The following UBL7 variants were observed in gnomAD, a reference collection of about 807,000 sequenced individuals.
The protein encoded by UBL7 is ubiquitin like 7.
UBL7 carries 21 observed loss-of-function variants against 41.7 expected under a neutral mutation model. The ratio of observed to expected loss-of-function variants is 0.50; its 90% CI spans 0.36 to 0.73. The LOEUF is 0.73. UBL7 is among the 30% of genes least tolerant of loss of function. UBL7 has a pLI of 0.00. For missense variants in UBL7, 403 were observed against 478.4 expected, an observed-to-expected ratio of 0.84 and a Z score of 1.47; for synonymous variants, 157 against 186.9, an observed-to-expected ratio of 0.84 and a Z score of 1.31.
At chr15:74,449,157 C>T (rs372819904) in intron 9 of UBL7, 29 bp downstream of exon 9, 1 of 1,520,120 alleles carries the variant, frequency 6.6e-7, no homozygotes, top group South Asian at 1.3e-5. Context: ...GGGGGCCCAG[C>T]CTTGATCTTC....
Position 74,452,288 on chromosome 15 carries a change from ACACT to A in UBL7, c.387+4_387+7del, listed in dbSNP as rs2061255839. The A allele has an allele frequency of 1.3e-6, 2 of 1,553,660 alleles. No individual in the cohort carries two copies. Among genetic ancestry groups the A allele is most frequent in the Non-Finnish European group, 1.7e-6 (2 of 1,147,676 alleles). Reference sequence around the variant, plus strand: ...CAGTCCTGGCTGGGGGCCGCAGCACACACTCACCGCCTCCCTGTAAGAGGAGCTG... The same window carrying A: ...CAGTCCTGGCTGGGGGCCGCAGCACACACCGCCTCCCTGTAAGAGGAGCTG... On this transcript the variant is annotated splice_donor_5th_base_variant and intron_variant, in intron 4 of 10. Transcript: ENST00000395081.
At position 74,461,024 on chromosome 15, in the gene UBL7, G is replaced by A; in HGVS notation, c.-30+13C>T. The A allele has an allele frequency of 1.9e-6, 2 of 1,065,770 alleles. No homozygotes were observed. The highest frequency in any genetic ancestry group is 2.3e-6 in the Non-Finnish European group (2 of 875,268). 66.0% of individuals were successfully genotyped at this position (1,065,770 alleles called of 1,614,324 possible). A position where few individuals can be genotyped will look rare whatever the true frequency, so the allele number is the denominator to read the frequency against. On this transcript the variant is annotated intron_variant, in intron 1 of 10. Transcript: ENST00000395081. ...AGTAATGGGGCAGGAACACTATCCG[G>A]TGGCGACCTCACCGCTCCAGTGGGA...
At chr15:74,460,632 A>G (rs1489435309) in intron 1 of UBL7, 3 of 1,237,802 alleles carry the variant, frequency 2.4e-6, no homozygotes, top group African/African-American at 1.6e-5. Context: ...CCTTGAAAAC[A>G]AAAGACTAAA....
Position 74,448,537 on chromosome 15 carries a change from C to G in UBL7, c.946G>C (p.Asp316His), listed in dbSNP as rs1185757240. The change falls in exon 10 of 11, where the codon GAT becomes CAT. Residue 316 changes from aspartate to histidine, a missense_variant. Physicochemically the swap from Asp to His is moderately conservative, Grantham distance 81. Coordinates refer to ENST00000395081, the MANE Select transcript of UBL7 (RefSeq NM_032907.5). ...GVQSGTPITNDLFSQALQHAL... is the reference protein window; with the variant it reads ...GVQSGTPITNHLFSQALQHAL... Reference sequence around the variant, plus strand: ...TGCTGTAGGGCTTGGCTGAAGAGATCATTGGTGATGGGCGTCCCTGACTGG... The same window carrying G: ...TGCTGTAGGGCTTGGCTGAAGAGATGATTGGTGATGGGCGTCCCTGACTGG... The G allele has an allele frequency of 6.2e-7, 1 of 1,614,176 alleles. No homozygotes were observed. The highest frequency in any genetic ancestry group is 1.7e-5 in the Admixed American group (1 of 60,026).
In UBL7 at chr15:74,458,753, T is replaced by C; in HGVS notation, c.115A>G (p.Ser39Gly). ...ELGEYSLGGY[S>G]ISFLKQLIAG... ...ATAAGCTGCTTCAGAAATGAAATAC[T>C]ATAGCCCCCTAGCGAGTATTCTCCC... The change falls in exon 2 of 11, where the codon AGT becomes GGT. Residue 39 changes from serine to glycine, a missense_variant. By Grantham distance (56) the Ser-to-Gly change is moderately conservative. Transcript: ENST00000395081. 1 of 1,614,072 alleles carries C rather than the reference T, an allele frequency of 6.2e-7. No individual in the cohort carries two copies. Among genetic ancestry groups the C allele is most frequent in the African/African-American group, 1.3e-5 (1 of 75,062 alleles).
At position 74,458,725 on chromosome 15, in the gene UBL7, G is replaced by A; in HGVS notation, c.143C>T (p.Ala48Val). ...TGGAACAGACTCCTGGAGTTTGCCA[G>A]CAATAAGCTGCTTCAGAAATGAAAT... ...YSISFLKQLI[A>V]GKLQESVPDP... Residue 48 changes from alanine (A) to valine (V), a missense_variant, in exon 2 of 11, where the codon GCT (alanine) becomes GTT (valine). Ala to Val is a moderately conservative substitution (Grantham distance 64). Coordinates refer to ENST00000395081, the MANE Select transcript of UBL7 (RefSeq NM_032907.5). 6.2e-7 allele frequency: 1 copy of A among 1,614,054 alleles called. No individual in the cohort carries two copies. Among genetic ancestry groups the A allele is most frequent in the Non-Finnish European group, 8.5e-7 (1 of 1,180,042 alleles).
chr15:74,456,129 A>G (rs78074764), intron 3 of UBL7, among the ~76,000 whole-genome samples: 3 of 81,920 alleles, frequency 3.7e-5, no homozygotes, highest in African/African-American at 7.5e-5. Flanking sequence ...TCCGTCTCAG[A>G]AAAAAAAAAA....
chr15:74,459,694 G>A lies in UBL7; in HGVS notation c.-29-798C>T, dbSNP rs375683440. On this transcript the variant is annotated intron_variant, in intron 1 of 10. Transcript: ENST00000395081. The stretch of plus-strand genomic sequence containing the variant: ...ACTCTTCCAATGTCGGGCTGGGCGC[G>A]GTGGCTCATGCCTGTAACCCTAGCA... 2.0e-5 allele frequency among the ~76,000 whole-genome samples: 3 copies of A among 151,870 alleles called. No homozygotes were observed. The East Asian group carries it at 5.9e-4, about 30-fold the overall frequency.
intron 3 of UBL7, among the ~76,000 whole-genome samples, chr15:74,452,887 T>A (rs1396195486): frequency 6.6e-6 from 1 of 152,138 alleles, no homozygotes. Context: ...AATTTTTGTA[T>A]TTTTAGTTGA....
intron 1 of UBL7, chr15:74,459,108 C>T (rs141106498): frequency 1.9e-6 from 1 of 513,584 alleles, no homozygotes; most frequent in Non-Finnish European, 3.5e-6. Context: ...TCATCCCTAA[C>T]GTGGACATAA....
At position 74,461,074 on chromosome 15, in the gene UBL7, G is replaced by C. The variant is rs770815126; in HGVS notation, c.-67C>G. 329 of 1,017,806 alleles carry C rather than the reference G, an allele frequency of 3.2e-4. No individual in the cohort carries two copies. The highest frequency in any genetic ancestry group is 3.7e-4 in the Non-Finnish European group (315 of 847,372). The allele number at this position is 1,017,806 out of a possible 1,614,324, so 63.0% of individuals were successfully genotyped here. On this transcript the variant is annotated 5_prime_UTR_variant, in exon 1 of 11. Coordinates refer to ENST00000395081, the MANE Select transcript of UBL7 (RefSeq NM_032907.5). Reference sequence around the variant, plus strand: ...ACCAGCTACTTGGCTGACACACATCGAGCCCGCGCTGCCCAGGGCCCCAGC... The same window carrying C: ...ACCAGCTACTTGGCTGACACACATCCAGCCCGCGCTGCCCAGGGCCCCAGC...
At chr15:74,449,535 C>A (rs2061220907) in intron 8 of UBL7, 91 bp downstream of exon 8, 2 of 1,595,704 alleles carry the variant, frequency 1.3e-6, no homozygotes, top group Non-Finnish European at 8.6e-7. Flanking sequence ...CATCTCCCAG[C>A]CTTGGGAGTG....
chr15:74,453,461 A>G (rs1192432142), intron 3 of UBL7, among the ~76,000 whole-genome samples: 1 of 152,142 alleles, frequency 6.6e-6, no homozygotes, highest in African/African-American at 2.4e-5. Flanking sequence ...GAGGGTGAAG[A>G]TAGACAGCTG....
At chr15:74,450,522 G>C (rs1435377649) in intron 6 of UBL7, among the ~76,000 whole-genome samples, 1 of 152,178 alleles carries the variant, frequency 6.6e-6, no homozygotes, top group African/African-American at 2.4e-5. Context: ...CCTTTTGCCA[G>C]CTTAAAATCC....
In UBL7 at chr15:74,446,247, G is replaced by T; in HGVS notation, c.1006-20C>A. 1 of 1,613,396 alleles carries T rather than the reference G, an allele frequency of 6.2e-7. No homozygotes were observed. The highest frequency in any genetic ancestry group is 1.1e-5 in the South Asian group (1 of 91,028). On this transcript the variant is annotated intron_variant, in intron 10 of 10. Transcript: ENST00000395081. This position sits in a 1 kb window ranked among gnomAD's most constrained non-coding sequence, Gnocchi z 4.1. ...CTGGCTCTGTGGAAAGATAGGAATGGGCAGAAGCTGTTAGCTGGGATCCAG... is the reference window on the plus strand; with the variant it reads ...CTGGCTCTGTGGAAAGATAGGAATGTGCAGAAGCTGTTAGCTGGGATCCAG...
intron 10 of UBL7, 57 bp downstream of exon 10, chr15:74,448,421 T>C (rs1057207583): frequency 5.0e-6 from 8 of 1,607,264 alleles, no homozygotes; most frequent in Non-Finnish European, 6.8e-6. Flanking sequence ...AAACAAAGGC[T>C]GGGCATCCAA....
chr15:74,451,569 T>C, intron 4 of UBL7, 49 bp from the exon 5 acceptor site: 1 of 1,480,610 alleles, frequency 6.8e-7, no homozygotes, highest in Non-Finnish European at 9.4e-7. Flanking sequence ...CTCAATGTAC[T>C]CATCAAATGC....
intron 2 of UBL7, among the ~76,000 whole-genome samples, chr15:74,457,494 G>T (rs923015805): frequency 5.3e-5 from 8 of 151,998 alleles, no homozygotes; most frequent in African/African-American, 1.9e-4. Flanking sequence ...AGTGAGCCAA[G>T]ATCACACCAC....
chr15:74,455,663 C>T (rs572483200), intron 3 of UBL7, among the ~76,000 whole-genome samples: 8 of 152,274 alleles, frequency 5.3e-5, no homozygotes, highest in African/African-American at 1.9e-4. Flanking sequence ...TAAGTAGACA[C>T]AAACTCCCTG....
Sources: allele counts gnomAD v4.1 joint callset (sites outside exome capture counted in the v4.1 genomes callset), GRCh38; gene constraint gnomAD v4.1.1; non-coding constraint Gnocchi (gnomAD v3.1); transcripts MANE v1.5; gene names NCBI Gene and HGNC (gene_info 2026-07-23, HGNC 2026-07-21).